PPP2R5A: variants seen among roughly 807,000 people sequenced by gnomAD.
The protein encoded by PPP2R5A is serine/threonine-protein phosphatase 2A 56 kDa regulatory subunit alpha isoform.
In PPP2R5A, 25 loss-of-function variants were observed where a neutral mutation model predicts 64.2. That is an observed-to-expected ratio of 0.39 (90% CI 0.28 to 0.54). PPP2R5A has a LOEUF of 0.54. Among genes scored for constraint, PPP2R5A ranks in the 20% least tolerant of loss-of-function variants. The probability of loss-of-function intolerance (pLI) is 0.67; values close to 1 mark genes in which losing one functional copy is unlikely to be tolerated. For synonymous variants in PPP2R5A, 198 were observed against 201.2 expected, an observed-to-expected ratio of 0.98 and a Z score of 0.13; for missense variants, 425 against 576.3, an observed-to-expected ratio of 0.74 and a Z score of 2.69.
At position 212,286,045 on chromosome 1, in the gene PPP2R5A, C is replaced by G; in HGVS notation, c.-66C>G. On this transcript the variant is annotated 5_prime_UTR_variant, in exon 1 of 13. Transcript: ENST00000261461. ...CGCGCCTCTCCCCCGCCTCCTCCTG[C>G]CGTCTCCGCCGCTGCCCGTGCCTTG... 7.0e-7 allele frequency: 1 copy of G among 1,433,038 alleles called. No individual in the cohort carries two copies. Among genetic ancestry groups the G allele is most frequent in the South Asian group, 1.4e-5 (1 of 71,184 alleles). 88.8% of individuals were successfully genotyped at this position (1,433,038 alleles called of 1,614,324 possible).
rs766685836 is a variant in PPP2R5A at position 212,329,179 on chromosome 1, C to G, written c.226C>G (p.Gln76Glu). The G allele has an allele frequency of 1.9e-6, 3 of 1,574,252 alleles. No individual in the cohort carries two copies. The South Asian group carries it at 3.6e-5, about 19-fold the overall frequency. Residue 76 changes from glutamine to glutamate, a missense_variant, in exon 2 of 13, where the codon CAG becomes GAG. Physicochemically the swap from Gln to Glu is conservative, Grantham distance 29. Transcript: ENST00000261461. ...EQQELFCQKL[Q>E]QCCILFDFMD... ...ACAAGAGCTTTTCTGTCAGAAGTTGCAGCAGTGTTGTATACTGTTTGATTT... is the reference window on the plus strand; with the variant it reads ...ACAAGAGCTTTTCTGTCAGAAGTTGGAGCAGTGTTGTATACTGTTTGATTT...
intron 1 of PPP2R5A, among the ~76,000 whole-genome samples, chr1:212,303,468 A>T (rs1368582235): frequency 6.6e-6 from 1 of 151,396 alleles, no homozygotes; most frequent in African/African-American, 2.4e-5. Context: ...AGAATTCTTT[A>T]TATGTCCTTG....
intron 1 of PPP2R5A, among the ~76,000 whole-genome samples, chr1:212,295,141 T>C (rs1658669091): frequency 6.6e-6 from 1 of 152,192 alleles, no homozygotes; most frequent in African/African-American, 2.4e-5. Context: ...CATTCATACC[T>C]GCCAGTAACA....
At chr1:212,306,740 C>CATTTATTTATTTATTTATTT (rs71137740) in intron 1 of PPP2R5A, 1 of 146,336 alleles carries the variant, frequency 6.8e-6, no homozygotes, top group African/African-American at 2.5e-5. Flanking sequence ...AATCCATTTA[C>CATTTATTTATTTATTTATTT]ATTTATTTAT....
intron 4 of PPP2R5A, among the ~76,000 whole-genome samples, chr1:212,344,229 C>CTCGG (rs1659735767): frequency 1.3e-5 from 2 of 152,324 alleles, no homozygotes; most frequent in South Asian, 4.1e-4. Context: ...CTGCCTTGGC[C>CTCGG]TCCCAAAGTG....
intron 12 of PPP2R5A, among the ~76,000 whole-genome samples, chr1:212,360,224 T>C (rs1660055213): frequency 6.6e-6 from 1 of 152,114 alleles, no homozygotes; most frequent in Non-Finnish European, 1.5e-5. Flanking sequence ...GTGGCAAAAA[T>C]GATGTGGCTT....
intron 3 of PPP2R5A, among the ~76,000 whole-genome samples, chr1:212,336,526 T>TA (rs1174479556): frequency 2.0e-5 from 3 of 152,322 alleles, no homozygotes; most frequent in South Asian, 4.1e-4. Flanking sequence ...TAGATATAGT[T>TA]AAAAAATCTT....
At chr1:212,295,439 A>G (rs1658676208) in intron 1 of PPP2R5A, among the ~76,000 whole-genome samples, 1 of 152,228 alleles carries the variant, frequency 6.6e-6, no homozygotes, top group South Asian at 2.1e-4. Context: ...GCTGCCTAGT[A>G]GGAAGGCGGA....
At chr1:212,349,422 G>A (rs532118459) in intron 8 of PPP2R5A, among the ~76,000 whole-genome samples, 180 bp downstream of exon 8, 2 of 152,098 alleles carry the variant, frequency 1.3e-5, no homozygotes, top group Non-Finnish European at 1.5e-5. Flanking sequence ...GAGAGTTCTC[G>A]TGAGTTATGT....
At chr1:212,292,198 G>A (rs931004184) in intron 1 of PPP2R5A, among the ~76,000 whole-genome samples, 6 of 152,190 alleles carry the variant, frequency 3.9e-5, no homozygotes, top group African/African-American at 1.4e-4. Context: ...GCAGGGCAGT[G>A]AGAACTCAGG....
At chr1:212,357,344 A>G in intron 11 of PPP2R5A, 60 bp downstream of exon 11, 1 of 1,352,068 alleles carries the variant, frequency 7.4e-7, no homozygotes, top group Non-Finnish European at 9.7e-7. Flanking sequence ...TCTTTTTGTT[A>G]TTGATTTCCT....
intron 8 of PPP2R5A, among the ~76,000 whole-genome samples, chr1:212,352,004 T>A (rs1219349082): frequency 6.7e-6 from 1 of 150,040 alleles, no homozygotes; most frequent in African/African-American, 2.4e-5. Context: ...TATTATTTTA[T>A]TTTTATTTTA....
chr1:212,314,887 C>T (rs969120050), intron 1 of PPP2R5A, among the ~76,000 whole-genome samples: 2 of 151,962 alleles, frequency 1.3e-5, no homozygotes, highest in African/African-American at 2.4e-5. Context: ...TTAAATTTTT[C>T]GTAGAGACAA....
chr1:212,358,486 T>G (rs554110349), intron 11 of PPP2R5A, 200 bp from the exon 12 acceptor site: 1 of 359,388 alleles, frequency 2.8e-6, no homozygotes, highest in East Asian at 4.4e-5. Flanking sequence ...TGGAAAAGAT[T>G]TAAGTTTTCT....
intron 1 of PPP2R5A, 66 bp from the exon 2 acceptor site, chr1:212,329,069 T>C: frequency 8.5e-7 from 1 of 1,175,990 alleles, no homozygotes; most frequent in Non-Finnish European, 1.1e-6. Context: ...TCTACAAAAT[T>C]AATAAATATA....
chr1:212,287,534 A>G (rs1256094038), intron 1 of PPP2R5A, among the ~76,000 whole-genome samples: 7 of 152,196 alleles, frequency 4.6e-5, no homozygotes, highest in Admixed American at 4.6e-4. Context: ...TGACTCTTGG[A>G]GTGCTTCTAA....
intron 4 of PPP2R5A, among the ~76,000 whole-genome samples, chr1:212,345,176 A>AG (rs1659752835): frequency 6.6e-6 from 1 of 152,002 alleles, no homozygotes; most frequent in African/African-American, 2.4e-5. Context: ...AAAAAAAAAA[A>AG]AAAAATTTGG....
intron 3 of PPP2R5A, among the ~76,000 whole-genome samples, chr1:212,336,878 A>G (rs1659601156): frequency 6.6e-6 from 1 of 152,220 alleles, no homozygotes; most frequent in Admixed American, 6.5e-5. Flanking sequence ...TAGATGCTAG[A>G]AACTAATTTA....
chr1:212,360,460 C>T (rs568341848), intron 12 of PPP2R5A, among the ~76,000 whole-genome samples, 178 bp from the exon 13 acceptor site: 161 of 152,246 alleles, frequency 1.1e-3, no homozygotes, highest in African/African-American at 3.8e-3. Flanking sequence ...AGACTCAGTA[C>T]ATTTAGGAGA....
Sources: gnomAD v4.1 joint callset for allele counts (sites outside exome capture counted in the v4.1 genomes callset) on GRCh38, gnomAD v4.1.1 for gene constraint, MANE v1.5 for transcripts, NCBI Gene and HGNC (gene_info 2026-07-23, HGNC 2026-07-21) for gene names.